PDE4D: variants seen among roughly 807,000 people sequenced by gnomAD.
PDE4D encodes 3',5'-cyclic-AMP phosphodiesterase 4D.
PDE4D carries 24 observed loss-of-function variants against 87.4 expected under a neutral mutation model. That is an observed-to-expected ratio of 0.27 (90% CI 0.20 to 0.39). The LOEUF is 0.39. Among genes scored for constraint, PDE4D ranks in the 10% least tolerant of loss-of-function variants. The pLI, the probability that PDE4D is intolerant of heterozygous loss-of-function variation, is 1.00. For missense variants in PDE4D, 714 were observed against 1,041.0 expected, an observed-to-expected ratio of 0.69 and a Z score of 4.32; for synonymous variants, 384 against 383.2, an observed-to-expected ratio of 1.00 and a Z score of -0.02.
At chr5:59,989,426 C>A (rs930300048) in intron 2 of PDE4D, among the ~76,000 whole-genome samples, 1 of 151,972 alleles carries the variant, frequency 6.6e-6, no homozygotes, top group Admixed American at 6.6e-5. Context: ...ATCTTTCTTA[C>A]ATGCATGCCC....
chr5:59,431,135 T>C (rs1796051927), intron 1 of PDE4D, among the ~76,000 whole-genome samples: 1 of 152,154 alleles, frequency 6.6e-6, no homozygotes, highest in African/African-American at 2.4e-5. Context: ...CTTTGAGAAA[T>C]GCACCTTCTA....
intron 5 of PDE4D, among the ~76,000 whole-genome samples, chr5:59,053,362 TACACACACACACACACACACAC>T (rs57805618): frequency 3.0e-3 from 431 of 142,176 alleles, no homozygotes; most frequent in Admixed American, 8.1e-3. Flanking sequence ...TGGGTGTACA[TACACACACACACACACACACAC>T]ACACACACAC....
chr5:59,821,518 C>A (rs1371851868), intron 1 of PDE4D, among the ~76,000 whole-genome samples: 2 of 152,040 alleles, frequency 1.3e-5, no homozygotes, highest in African/African-American at 4.8e-5. Flanking sequence ...TATATTGTTA[C>A]TTAATAGTTT....
chr5:60,099,113 A>G (rs2194255), intron 2 of PDE4D, among the ~76,000 whole-genome samples: 75,069 of 151,592 alleles, frequency 0.5, 19,022 homozygotes, highest in East Asian at 0.83. Context: ...TTAGTACTCC[A>G]AATACATCAT....
At chr5:59,708,552 T>C (rs1021453899) in intron 1 of PDE4D, among the ~76,000 whole-genome samples, 1 of 152,178 alleles carries the variant, frequency 6.6e-6, no homozygotes, top group East Asian at 1.9e-4. Flanking sequence ...GGCTTTATGA[T>C]AGTTGTGGCT....
intron 1 of PDE4D, among the ~76,000 whole-genome samples, chr5:60,314,777 G>A (rs1038855839): frequency 1.4e-4 from 22 of 151,972 alleles, no homozygotes; most frequent in Admixed American, 3.9e-4. Context: ...GAGAATGATG[G>A]TTTCCAGCTT....
chr5:59,970,061 C>T (rs1019871079), intron 3 of PDE4D, among the ~76,000 whole-genome samples: 1 of 152,076 alleles, frequency 6.6e-6, no homozygotes, highest in Non-Finnish European at 1.5e-5. Context: ...TTTTTCCTCA[C>T]GATTGTCTTC....
At chr5:60,304,638 C>A (rs1250185458) in intron 1 of PDE4D, among the ~76,000 whole-genome samples, 3 of 107,448 alleles carry the variant, frequency 2.8e-5, no homozygotes, top group African/African-American at 1.6e-4. Context: ...GGCGACAGAG[C>A]GAGACTCCGT....
Position 58,990,893 on chromosome 5 carries a change from C to T in PDE4D, c.1198G>A (p.Asp400Asn). ...ACATGAAGACCCCATTTGTTCACAT[C>T]TTCTAGTTCCTGGAGTGAAAAAAAA... ...QEDVLAKELE[D>N]VNKWGLHVFR... is the part of the protein sequence containing the mutation. Residue 400 changes from aspartate to asparagine, a missense_variant, in exon 9 of 15, where the codon GAT becomes AAT. This residue lies in a region of PDE4D where 141 missense variants were observed against 204.3 expected (regional missense o/e 0.69). Coordinates refer to ENST00000340635, the MANE Select transcript of PDE4D (RefSeq NM_001104631.2). 6.5e-7 allele frequency: 1 copy of T among 1,549,508 alleles called. No homozygotes were observed. Among genetic ancestry groups the T allele is most frequent in the South Asian group, 1.2e-5 (1 of 85,164 alleles).
At chr5:59,470,584 C>T (rs992556448) in intron 1 of PDE4D, among the ~76,000 whole-genome samples, 2 of 152,144 alleles carry the variant, frequency 1.3e-5, no homozygotes, top group African/African-American at 4.8e-5. Context: ...TTTCTAGCAT[C>T]TCTTGACCTT....
chr5:59,995,914 C>T (rs1283345435), intron 2 of PDE4D, among the ~76,000 whole-genome samples: 1 of 152,112 alleles, frequency 6.6e-6, no homozygotes, highest in African/African-American at 2.4e-5. Flanking sequence ...TACTCATCTC[C>T]ATTTCTTCAA....
intron 1 of PDE4D, among the ~76,000 whole-genome samples, chr5:59,679,466 C>T (rs1005044355): frequency 1.3e-5 from 2 of 152,214 alleles, no homozygotes; most frequent in South Asian, 2.1e-4. Context: ...TAAACATTTC[C>T]TAGTGATTTT....
chr5:59,172,398 T>C (rs1344461099), intron 5 of PDE4D, among the ~76,000 whole-genome samples: 4 of 140,790 alleles, frequency 2.8e-5, no homozygotes, highest in African/African-American at 7.9e-5. Flanking sequence ...AATATATATA[T>C]TTAAAGAGGT....
At chr5:59,243,069 G>C (rs1473669583) in intron 1 of PDE4D, among the ~76,000 whole-genome samples, 1 of 152,092 alleles carries the variant, frequency 6.6e-6, no homozygotes, top group Non-Finnish European at 1.5e-5. Context: ...TGAGCAGTAT[G>C]AATTTCACAG....
intron 1 of PDE4D, among the ~76,000 whole-genome samples, chr5:60,234,930 G>A (rs768825061): frequency 5.3e-5 from 8 of 151,700 alleles, no homozygotes; most frequent in East Asian, 1.9e-4. Flanking sequence ...CAAAGAAGAC[G>A]AAATTGACGT....
chr5:59,646,786 A>G (rs1742519268), intron 1 of PDE4D, among the ~76,000 whole-genome samples: 1 of 152,170 alleles, frequency 6.6e-6, no homozygotes, highest in South Asian at 2.1e-4. Flanking sequence ...CTGTAATTCC[A>G]GCACTTTGGG....
At chr5:60,476,265 G>T (rs1399004306) in intron 1 of PDE4D, among the ~76,000 whole-genome samples, 2 of 152,214 alleles carry the variant, frequency 1.3e-5, no homozygotes, top group African/African-American at 4.8e-5. Context: ...GTCACCGGAA[G>T]TCTGTTGGGT....
chr5:58,999,852 C>A, intron 6 of PDE4D: 1 of 988,408 alleles, frequency 1.0e-6, no homozygotes, highest in Non-Finnish European at 1.2e-6. Flanking sequence ...TCCCGAGCTC[C>A]AGGGCTTAAT....
At position 59,253,463 on chromosome 5, in the gene PDE4D, C is replaced by T. The variant is rs115855261; in HGVS notation, c.456-37495G>A. ...GGGAGCATCTTTATTACTTCCATTA[C>T]TCAAACTCCCTCCACCTGCAAACAC... On this transcript the variant is annotated intron_variant, in intron 1 of 14. Coordinates refer to ENST00000340635, the MANE Select transcript of PDE4D (RefSeq NM_001104631.2). Among the ~76,000 whole-genome samples the T allele has an allele frequency of 1.5e-3, 232 of 152,206 alleles. 1 individual carries two copies. Among genetic ancestry groups the T allele is most frequent in the African/African-American group, 5.4e-3 (225 of 41,556 alleles).
Sources: allele counts gnomAD v4.1 joint callset (sites outside exome capture counted in the v4.1 genomes callset), GRCh38; gene constraint gnomAD v4.1.1; regional missense constraint gnomAD v4.1.1; transcripts MANE v1.5; gene names NCBI Gene and HGNC (gene_info 2026-07-23, HGNC 2026-07-21).